The following SPARC variants were observed in gnomAD, a reference collection of about 807,000 sequenced individuals.
The protein encoded by SPARC is basement-membrane protein 40.
In SPARC, 23 loss-of-function variants were observed where a neutral mutation model predicts 37.7. That is an observed-to-expected ratio of 0.61 (90% CI 0.44 to 0.87). SPARC has a LOEUF of 0.87. Among genes scored for constraint, SPARC ranks in the 40% least tolerant of loss-of-function variants. SPARC has a pLI of 0.00. For missense variants in SPARC, 312 were observed against 389.0 expected (o/e 0.80, Z 1.66); for synonymous variants, 155 against 150.8 (o/e 1.03, Z -0.20).
chr5:151,674,013 T>TGTGTGTGTGTGTGC (rs1433743125), intron 3 of SPARC, among the ~76,000 whole-genome samples: 1 of 123,546 alleles, frequency 8.1e-6, no homozygotes. Context: ...TGTGTGCTTG[T>TGTGTGTGTGTGTGC]TTGTTTGTTT....
chr5:151,663,510 AT>A lies in SPARC; in HGVS notation c.*60del. 1 of 1,506,186 alleles carries A rather than the reference AT, an allele frequency of 6.6e-7. No homozygotes were observed. Among genetic ancestry groups the A allele is most frequent in the African/African-American group, 1.4e-5 (1 of 72,804 alleles). The allele number at this position is 1,506,186 out of a possible 1,614,324, so 93.3% of individuals were successfully genotyped here. ...AACAAACCATCCAAACATTTTAAACATTGGGGGAAACACGAAGGGGAGGGTT... is the reference window on the plus strand; with the variant it reads ...AACAAACCATCCAAACATTTTAAACATGGGGGAAACACGAAGGGGAGGGTT... On this transcript the variant is annotated 3_prime_UTR_variant, in exon 10 of 10. Coordinates refer to ENST00000231061, the MANE Select transcript of SPARC (RefSeq NM_003118.4).
chr5:151,680,503 T>G (rs2113115866), intron 1 of SPARC, among the ~76,000 whole-genome samples: 1 of 152,092 alleles, frequency 6.6e-6, no homozygotes, highest in African/African-American at 2.4e-5. Context: ...CCCAAAGAGG[T>G]GGGATTATAG....
intron 4 of SPARC, chr5:151,672,813 C>A: frequency 2.8e-6 from 1 of 357,782 alleles, no homozygotes; most frequent in Non-Finnish European, 5.3e-6. Context: ...ATGTGATCAG[C>A]GACCTCCGTG....
At position 151,666,350 on chromosome 5, in the gene SPARC, T is replaced by G. The variant is rs753523610; in HGVS notation, c.734+11A>C. ...CTTGAGCTCTGTTCACTCTAGGGTC[T>G]GGGGTCTTACCCGTCAATGGGGTGC... is the stretch of plus-strand genomic sequence containing the variant. On this transcript the variant is annotated intron_variant, in intron 8 of 9. Coordinates refer to ENST00000231061, the MANE Select transcript of SPARC (RefSeq NM_003118.4). 8.1e-6 allele frequency: 13 copies of G among 1,613,022 alleles called. No individual in the cohort carries two copies. In the East Asian group the frequency reaches 2.9e-4, roughly 36 times the overall value.
At chr5:151,671,457 G>T in intron 5 of SPARC, 116 bp downstream of exon 5, 1 of 1,254,464 alleles carries the variant, frequency 8.0e-7, no homozygotes, top group Non-Finnish European at 1.1e-6. Context: ...CTAGCAAGGG[G>T]ACTTCTGAGA....
rs573293358 is a variant in SPARC, at chr5:151,664,359, A to T, written c.735-124T>A. On this transcript the variant is annotated intron_variant, in intron 8 of 9. Coordinates refer to ENST00000231061, the MANE Select transcript of SPARC (RefSeq NM_003118.4). ...GAAAGGATATTTAAAGCAGGACAAA[A>T]AGCCAGAATCCCAGGTCTACCCCTA... 3.4e-6 allele frequency: 3 copies of T among 879,688 alleles called. No homozygotes were observed. In the African/African-American group the frequency reaches 5.0e-5, roughly 15 times the overall value. 54.5% of individuals were successfully genotyped at this position (879,688 alleles called of 1,614,324 possible). A position where few individuals can be genotyped will look rare whatever the true frequency, so the allele number is the denominator to read the frequency against.
intron 7 of SPARC, among the ~76,000 whole-genome samples, chr5:151,666,861 A>G (rs531972879): frequency 6.6e-6 from 1 of 152,178 alleles, no homozygotes; most frequent in South Asian, 2.1e-4. Flanking sequence ...CTCCATCTCT[A>G]CTAAAAATAC....
rs148853407 is a variant in SPARC at position 151,672,903 on chromosome 5, C to T, written c.208+226G>A. 453 of 544,866 alleles carry T rather than the reference C, an allele frequency of 8.3e-4. 2 individuals carry two copies. The highest frequency in any genetic ancestry group is 8.2e-3 in the African/African-American group (436 of 52,912). 33.8% of individuals were successfully genotyped at this position (544,866 alleles called of 1,614,324 possible). ...CATTTCCAGCTGGAGAACTCTCCTT[C>T]CTACCACACACATGGATGGCCTGGA... On this transcript the variant is annotated intron_variant, in intron 4 of 9. Transcript: ENST00000231061.
intron 2 of SPARC, 98 bp downstream of exon 2, chr5:151,676,034 G>T: frequency 3.2e-6 from 3 of 937,576 alleles, no homozygotes; most frequent in Non-Finnish European, 4.9e-6. Flanking sequence ...AAATGGGGAA[G>T]TCCCTGTTCC....
Position 151,674,601 on chromosome 5 carries a change from T to C in SPARC, c.120+11A>G, listed in dbSNP as rs772970083. The C allele has an allele frequency of 2.5e-6, 4 of 1,613,884 alleles. No individual in the cohort carries two copies. Among genetic ancestry groups the C allele is most frequent in the Non-Finnish European group, 3.4e-6 (4 of 1,179,780 alleles). ...AGAGGGGCTAAGGGGCTGCGGTCACTGCCCACATACCTCAGTCACCTCTGC... is the reference window on the plus strand; with the variant it reads ...AGAGGGGCTAAGGGGCTGCGGTCACCGCCCACATACCTCAGTCACCTCTGC... On this transcript the variant is annotated intron_variant, in intron 3 of 9. Transcript: ENST00000231061.
At chr5:151,685,685 G>A (rs1378565415) in intron 1 of SPARC, 2 of 152,150 alleles carry the variant, frequency 1.3e-5, no homozygotes, top group South Asian at 2.1e-4. Context: ...TCCTACTTCT[G>A]CTTTGCTTCT....
At chr5:151,683,576 A>G (rs1761059487) in intron 1 of SPARC, among the ~76,000 whole-genome samples, 1 of 152,124 alleles carries the variant, frequency 6.6e-6, no homozygotes, top group African/African-American at 2.4e-5. Context: ...CGTCTGTCTC[A>G]TTGTCATGAT....
At position 151,662,508 on chromosome 5, in the gene SPARC, GATT is replaced by G. The variant is rs1760528247; in HGVS notation, c.*1060_*1062del. 6.6e-6 allele frequency: 1 copy of G among 152,572 alleles called. No homozygotes were observed. The highest frequency in any genetic ancestry group is 6.5e-5 in the Admixed American group (1 of 15,270). 9.5% of individuals were successfully genotyped at this position (152,572 alleles called of 1,614,324 possible). A position where few individuals can be genotyped will look rare whatever the true frequency, so the allele number is the denominator to read the frequency against. On this transcript the variant is annotated 3_prime_UTR_variant, in exon 10 of 10. Transcript: ENST00000231061. ...TTCACATCATGGTGAGAGTTTGTATGATTAATAAGAAGCAGCTTTTTCATGAAA... is the reference window on the plus strand; with the variant it reads ...TTCACATCATGGTGAGAGTTTGTATGAATAAGAAGCAGCTTTTTCATGAAA...
intron 6 of SPARC, 150 bp downstream of exon 6, chr5:151,669,514 A>T: frequency 8.6e-6 from 8 of 932,836 alleles, no homozygotes; most frequent in Non-Finnish European, 1.3e-5. Flanking sequence ...ATAGACAATT[A>T]CCTCATTTTA....
chr5:151,676,847 T>C (rs1760869120), intron 1 of SPARC: 1 of 152,200 alleles, frequency 6.6e-6, no homozygotes, highest in South Asian at 2.1e-4. Context: ...TCTTGCCAGT[T>C]TGGGACAATG....
chr5:151,666,232 T>C, intron 8 of SPARC, 129 bp downstream of exon 8: 1 of 880,840 alleles, frequency 1.1e-6, no homozygotes, highest in Non-Finnish European at 1.7e-6. Context: ...CTCATCCTTC[T>C]GCTCCAATCC....
intron 9 of SPARC, 33 bp downstream of exon 9, chr5:151,664,054 C>T (rs1443158534): frequency 5.6e-6 from 9 of 1,613,576 alleles, no homozygotes; most frequent in Non-Finnish European, 7.6e-6. Context: ...GTGTTTCTGC[C>T]CATGCCCCTT....
Position 151,685,561 on chromosome 5 carries a change from CAA to C in SPARC, c.-14+1302_-14+1303del, listed in dbSNP as rs369875951. Among the ~76,000 whole-genome samples, 25 of 152,092 alleles carry C rather than the reference CAA, an allele frequency of 1.6e-4. No individual in the cohort carries two copies. The East Asian group carries it at 3.5e-3, about 21-fold the overall frequency. On this transcript the variant is annotated intron_variant, in intron 1 of 9. Coordinates refer to ENST00000231061, the MANE Select transcript of SPARC (RefSeq NM_003118.4). ...CTTCCTTTGAATATTTTAGAGGACA[CAA>C]AGCACCCCAAAGAGCCTTCAGTTTC...
intron 1 of SPARC, among the ~76,000 whole-genome samples, chr5:151,685,412 C>CT (rs1761111774): frequency 7.2e-6 from 1 of 139,268 alleles, no homozygotes; most frequent in Admixed American, 7.3e-5. Flanking sequence ...TCTCTCTCTC[C>CT]CTCTCTCTCT....
Sources: allele counts gnomAD v4.1 joint callset (sites outside exome capture counted in the v4.1 genomes callset), GRCh38; gene constraint gnomAD v4.1.1; transcripts MANE v1.5; gene names NCBI Gene and HGNC (gene_info 2026-07-23, HGNC 2026-07-21).